EXOC5: variants seen among roughly 807,000 people sequenced by gnomAD.
EXOC5 encodes the protein exocyst complex component 5, also known as SEC10-like 1.
EXOC5 carries 17 observed loss-of-function variants against 90.8 expected under a neutral mutation model. That is an observed-to-expected ratio of 0.19 (90% CI 0.13 to 0.28). The LOEUF (loss-of-function observed/expected upper bound fraction) is 0.28. Ranked by LOEUF, EXOC5 falls within the 10% of genes least tolerant of loss-of-function variation. The probability of loss-of-function intolerance (pLI) is 1.00; values close to 1 mark genes in which losing one functional copy is unlikely to be tolerated. For missense variants in EXOC5, 569 were observed against 830.6 expected, an observed-to-expected ratio of 0.69 and a Z score of 3.87; for synonymous variants, 260 against 270.0, an observed-to-expected ratio of 0.96 and a Z score of 0.36.
intron 15 of EXOC5, among the ~76,000 whole-genome samples, chr14:57,216,890 AC>A (rs1325391115): frequency 6.6e-6 from 1 of 152,142 alleles, no homozygotes; most frequent in African/African-American, 2.4e-5. Context: ...GGTGTTTAAC[AC>A]TCCAAACATA....
At position 57,205,936 on chromosome 14, in the gene EXOC5, C is replaced by T; in HGVS notation, c.*2673G>A. On this transcript the variant is annotated 3_prime_UTR_variant, in exon 18 of 18. Coordinates refer to ENST00000621441, the MANE Select transcript of EXOC5 (RefSeq NM_006544.4). ...GTCATCCATCTAAAGATCCATCCAG[C>T]TACTATTTAATAATTCTTCATAAGG... 2.2e-6 allele frequency: 1 copy of T among 456,208 alleles called. No homozygotes were observed. The highest frequency in any genetic ancestry group is 4.4e-6 in the Non-Finnish European group (1 of 226,654). 28.3% of individuals were successfully genotyped at this position (456,208 alleles called of 1,614,324 possible).
chr14:57,263,463 C>T lies in EXOC5; in HGVS notation c.27+5159G>A, dbSNP rs1425521527. On this transcript the variant is annotated intron_variant, in intron 1 of 17. Transcript: ENST00000621441. Reference sequence around the variant, plus strand: ...CCAGCCTGGGTGACAGAGCAAAACCCTGTCTCAAAAAACAAAAAAACTGGC... The same window carrying T: ...CCAGCCTGGGTGACAGAGCAAAACCTTGTCTCAAAAAACAAAAAAACTGGC... Among the ~76,000 whole-genome samples, 6 of 150,856 alleles carry T rather than the reference C, an allele frequency of 4.0e-5. 1 individual carries two copies. Among genetic ancestry groups the T allele is most frequent in the Non-Finnish European group, 1.5e-5 (1 of 67,750 alleles).
chr14:57,211,260 C>T (rs558093372), intron 15 of EXOC5, among the ~76,000 whole-genome samples: 3 of 152,272 alleles, frequency 2.0e-5, no homozygotes, highest in African/African-American at 2.4e-5. Flanking sequence ...ACCATTTTGG[C>T]TATTTCACTA....
chr14:57,233,685 A>G, intron 9 of EXOC5, 58 bp downstream of exon 9: 1 of 1,054,494 alleles, frequency 9.5e-7, no homozygotes, highest in Non-Finnish European at 1.4e-6. Flanking sequence ...TTTAAAATAT[A>G]GGGAAAAAAT....
chr14:57,257,285 A>C (rs555129087), intron 1 of EXOC5, among the ~76,000 whole-genome samples: 1 of 152,374 alleles, frequency 6.6e-6, no homozygotes, highest in South Asian at 2.1e-4. Flanking sequence ...TGGATGAGGG[A>C]GCAGTGAAAC....
intron 1 of EXOC5, among the ~76,000 whole-genome samples, chr14:57,251,470 T>C (rs149814574): frequency 0.01 from 1,561 of 152,186 alleles, 26 homozygotes; most frequent in African/African-American, 0.036. Context: ...ACAAGGGAAA[T>C]TGTAAAATAC....
intron 15 of EXOC5, among the ~76,000 whole-genome samples, chr14:57,216,074 T>C (rs1882962428): frequency 6.6e-6 from 1 of 151,740 alleles, no homozygotes; most frequent in South Asian, 2.1e-4. Context: ...TACAATAGCA[T>C]GAAAAAGAAT....
intron 1 of EXOC5, among the ~76,000 whole-genome samples, chr14:57,262,077 C>G (rs1323390111): frequency 3.9e-5 from 6 of 152,170 alleles, no homozygotes; most frequent in African/African-American, 1.4e-4. Flanking sequence ...ATCATTTACT[C>G]TGAGTCAACT....
chr14:57,241,495 GT>G (rs1454702717), intron 4 of EXOC5, among the ~76,000 whole-genome samples: 1 of 152,190 alleles, frequency 6.6e-6, no homozygotes, highest in East Asian at 1.9e-4. Context: ...TCCATAAGGA[GT>G]TTTTGTTCTT....
intron 1 of EXOC5, among the ~76,000 whole-genome samples, chr14:57,264,169 T>C (rs554456817): frequency 4.4e-4 from 67 of 152,340 alleles, no homozygotes; most frequent in Non-Finnish European, 6.3e-4. Context: ...ATATCCATGT[T>C]ACTACAATTG....
chr14:57,255,153 C>A (rs1332608068), intron 1 of EXOC5, among the ~76,000 whole-genome samples: 2 of 152,132 alleles, frequency 1.3e-5, no homozygotes, highest in African/African-American at 4.8e-5. Flanking sequence ...ATGGCCCCAA[C>A]TGCAAGGGGT....
chr14:57,268,554 T>G (rs1884767719), intron 1 of EXOC5, 68 bp downstream of exon 1: 1 of 1,547,554 alleles, frequency 6.5e-7, no homozygotes, highest in Non-Finnish European at 8.7e-7. Flanking sequence ...CGCCCGCTCC[T>G]CGGCCCGCCC....
chr14:57,246,139 G>A (rs1421162058), intron 3 of EXOC5, among the ~76,000 whole-genome samples: 2 of 152,068 alleles, frequency 1.3e-5, no homozygotes, highest in Non-Finnish European at 2.9e-5. Context: ...ACCTAAGAGT[G>A]ACTAAGAAGT....
At position 57,268,503 on chromosome 14, in the gene EXOC5, C is replaced by T. The variant is rs1884763974; in HGVS notation, c.27+119G>A. The T allele has an allele frequency of 2.6e-6, 4 of 1,528,618 alleles. No homozygotes were observed. The Admixed American group carries it at 7.9e-5, about 30-fold the overall frequency. 94.7% of individuals were successfully genotyped at this position (1,528,618 alleles called of 1,614,324 possible). ...AGCTGCCACCCCAACCCTTCTGTTT[C>T]GCACCTCTCTCCCGAGGGCTCCTCC... On this transcript the variant is annotated intron_variant, in intron 1 of 17. Transcript: ENST00000621441.
At position 57,239,604 on chromosome 14, in the gene EXOC5, G is replaced by C. The variant is rs1883792707; in HGVS notation, c.521C>G (p.Pro174Arg). The change falls in exon 5 of 18, where the codon CCT (proline) becomes CGT (arginine). Residue 174 changes from proline to arginine, a missense_variant. Around this residue, in one of 9 missense-constraint regions of EXOC5, gnomAD observed 97 missense variants for 177.9 expected, o/e 0.55. Transcript: ENST00000621441. ...QKLHLIAQELPFDRFSEVKSK... is the reference protein window; with the variant it reads ...QKLHLIAQELRFDRFSEVKSK... ...TGAGAAATGAACTTGCCTATCAAAA[G>C]GTAACTCTTGGGCAATTAGGTGCAA... The C allele has an allele frequency of 1.3e-6, 2 of 1,522,482 alleles. No homozygotes were observed. Among genetic ancestry groups the C allele is most frequent in the South Asian group, 2.5e-5 (2 of 80,118 alleles). The allele number at this position is 1,522,482 out of a possible 1,614,324, so 94.3% of individuals were successfully genotyped here. A position where few individuals can be genotyped will look rare whatever the true frequency, so the allele number is the denominator to read the frequency against.
At chr14:57,249,462 T>C (rs185886585) in intron 1 of EXOC5, among the ~76,000 whole-genome samples, 5,204 of 152,042 alleles carry the variant, frequency 0.034, 299 homozygotes, top group African/African-American at 0.12. Flanking sequence ...CACTAAAGAC[T>C]TATAAATAGC....
At chr14:57,241,972 A>G (rs1041458412) in intron 4 of EXOC5, among the ~76,000 whole-genome samples, 19 of 151,754 alleles carry the variant, frequency 1.3e-4, no homozygotes, top group Non-Finnish European at 2.4e-4. Flanking sequence ...TCTCTACTAA[A>G]AATACAAAAA....
chr14:57,214,633 G>A (rs948857439), intron 15 of EXOC5, among the ~76,000 whole-genome samples: 13 of 152,142 alleles, frequency 8.5e-5, no homozygotes, highest in Non-Finnish European at 4.4e-5. Flanking sequence ...TACCAATAAC[G>A]TACATGTTAT....
rs1447311735 is a variant in EXOC5, at chr14:57,204,787, A to G, written c.*3822T>C. 6.6e-6 allele frequency: 1 copy of G among 152,488 alleles called. No individual in the cohort carries two copies. Among genetic ancestry groups the G allele is most frequent in the African/African-American group, 2.4e-5 (1 of 41,454 alleles). The allele number at this position is 152,488 out of a possible 1,614,324, so 9.4% of individuals were successfully genotyped here. A position where few individuals can be genotyped will look rare whatever the true frequency, so the allele number is the denominator to read the frequency against. On this transcript the variant is annotated 3_prime_UTR_variant, in exon 18 of 18. Coordinates refer to ENST00000621441, the MANE Select transcript of EXOC5 (RefSeq NM_006544.4). ...TAAAAAATCAAATTTAAAAAGTATG[A>G]CCATACATTGAACATATTAAGAAAA...
Sources: gnomAD v4.1 joint callset for allele counts (sites outside exome capture counted in the v4.1 genomes callset) on GRCh38, gnomAD v4.1.1 for gene constraint, gnomAD v4.1.1 regional missense constraint, MANE v1.5 for transcripts, NCBI Gene and HGNC (gene_info 2026-07-23, HGNC 2026-07-21) for gene names.